Variants in DDX6 observed in about 807,000 individuals in gnomAD.
DDX6 encodes the protein DEAD-box helicase 6, also known as probable ATP-dependent RNA helicase DDX6.
In DDX6, 7 loss-of-function variants were observed where a neutral mutation model predicts 60.6. That is an observed-to-expected ratio of 0.12 (90% confidence interval 0.07 to 0.22). The LOEUF (loss-of-function observed/expected upper bound fraction) is 0.22. Among genes scored for constraint, DDX6 ranks in the 10% least tolerant of loss-of-function variants. The pLI is 1.00. For missense variants in DDX6, 270 were observed against 589.9 expected, an observed-to-expected ratio of 0.46 and a Z score of 5.62; for synonymous variants, 207 against 201.0, an observed-to-expected ratio of 1.03 and a Z score of -0.25.
chr11:118,781,975 G>T (rs1861913888), intron 2 of DDX6, among the ~76,000 whole-genome samples: 1 of 151,882 alleles, frequency 6.6e-6, no homozygotes, highest in Non-Finnish European at 1.5e-5. Context: ...CACTTTGGGA[G>T]GCCAAGGCAA....
chr11:118,759,486 T>C (rs1489950387), intron 8 of DDX6: 1 of 154,518 alleles, frequency 6.5e-6, no homozygotes, highest in African/African-American at 2.4e-5. Context: ...TTTTGGAATA[T>C]GTGCATTACA....
intron 5 of DDX6, among the ~76,000 whole-genome samples, chr11:118,766,521 GA>G (rs1244946865): frequency 6.6e-6 from 1 of 152,244 alleles, no homozygotes; most frequent in South Asian, 2.1e-4. Flanking sequence ...ATCTCTTTAT[GA>G]AAAGAGAACC....
intron 12 of DDX6, 99 bp downstream of exon 12, chr11:118,755,303 T>C (rs1368386835): frequency 7.9e-5 from 55 of 693,320 alleles, no homozygotes; most frequent in Non-Finnish European, 1.0e-4. Flanking sequence ...TTCACTGTTC[T>C]CATAGCTACT....
chr11:118,785,455 TTG>T (rs535638151), intron 2 of DDX6, among the ~76,000 whole-genome samples: 1 of 152,030 alleles, frequency 6.6e-6, no homozygotes, highest in Non-Finnish European at 1.5e-5. Context: ...TCCTCCCACA[TTG>T]GCCTCCCCAA....
chr11:118,784,238 A>G (rs370907580), intron 2 of DDX6, among the ~76,000 whole-genome samples: 3 of 152,180 alleles, frequency 2.0e-5, no homozygotes, highest in Non-Finnish European at 4.4e-5. Context: ...ATATACACTA[A>G]TACCAATTCT....
At position 118,769,258 on chromosome 11, in the gene DDX6, T is replaced by C. The variant is rs561582930; in HGVS notation, c.370-906A>G. Among the ~76,000 whole-genome samples, 9 of 152,276 alleles carry C rather than the reference T, an allele frequency of 5.9e-5. No homozygotes were observed. The South Asian group carries it at 8.3e-4, about 14-fold the overall frequency. On this transcript the variant is annotated intron_variant, in intron 4 of 13. Coordinates refer to ENST00000534980, the MANE Select transcript of DDX6 (RefSeq NM_004397.6). Reference sequence around the variant, plus strand: ...CCTCATCCCTGCAACAAAACACGAATAGGCTGGGAAAGTTTAACCTCAGGT... The same window carrying C: ...CCTCATCCCTGCAACAAAACACGAACAGGCTGGGAAAGTTTAACCTCAGGT...
chr11:118,753,163 G>A (rs1565558224), intron 13 of DDX6, among the ~76,000 whole-genome samples: 1 of 151,852 alleles, frequency 6.6e-6, no homozygotes, highest in Admixed American at 6.6e-5. Flanking sequence ...TGACTAGCTG[G>A]GATTACAGGC....
intron 2 of DDX6, among the ~76,000 whole-genome samples, chr11:118,784,461 GTT>G (rs34444218): frequency 5.6e-5 from 8 of 142,546 alleles, no homozygotes; most frequent in Non-Finnish European, 6.2e-5. Flanking sequence ...TATATGGCAA[GTT>G]TTTTTTTTTT....
chr11:118,758,578 G>T (rs937738835), intron 9 of DDX6, among the ~76,000 whole-genome samples, 196 bp downstream of exon 9: 1 of 152,098 alleles, frequency 6.6e-6, no homozygotes, highest in African/African-American at 2.4e-5. Context: ...TCACCATGTT[G>T]GCCAGGCTGG....
In DDX6 at chr11:118,765,070, T is replaced by G. The variant is rs577285414; in HGVS notation, c.646+139A>C. 4.5e-5 allele frequency: 43 copies of G among 965,048 alleles called. No individual in the cohort carries two copies. The Admixed American group carries it at 8.6e-4, about 19-fold the overall frequency. The allele number at this position is 965,048 out of a possible 1,614,324, so 59.8% of individuals were successfully genotyped here. ...AATTATGGTAATTTGTCTTTTTCGC[T>G]TGAATGCAGTGGTCATTTCCTTTTC... On this transcript the variant is annotated intron_variant, in intron 6 of 13. Transcript: ENST00000534980.
At chr11:118,785,776 T>C in intron 2 of DDX6, 1 of 297,908 alleles carries the variant, frequency 3.4e-6, no homozygotes, top group Non-Finnish European at 6.2e-6. Context: ...AGCTAATAAC[T>C]TTTACACTAA....
intron 7 of DDX6, among the ~76,000 whole-genome samples, chr11:118,761,904 G>GGTA (rs1861184065): frequency 6.7e-6 from 1 of 149,610 alleles, no homozygotes; most frequent in Non-Finnish European, 1.5e-5. Flanking sequence ...ACTTAGTGCT[G>GGTA]GTACCCAGTG....
At chr11:118,768,030 G>A (rs1437922944) in intron 5 of DDX6, 193 bp downstream of exon 5, 4 of 556,364 alleles carry the variant, frequency 7.2e-6, no homozygotes, top group African/African-American at 1.9e-5. Flanking sequence ...CTTAAAACTA[G>A]AAATCTCTAA....
chr11:118,773,778 C>T (rs1861611765), intron 4 of DDX6, among the ~76,000 whole-genome samples: 1 of 151,300 alleles, frequency 6.6e-6, no homozygotes, highest in Non-Finnish European at 1.5e-5. Flanking sequence ...TGCTTGAGGC[C>T]AGGAGTTCAA....
At chr11:118,771,156 T>G (rs1235829638) in intron 4 of DDX6, among the ~76,000 whole-genome samples, 1 of 152,214 alleles carries the variant, frequency 6.6e-6, no homozygotes, top group Non-Finnish European at 1.5e-5. Flanking sequence ...GCCTGCACAC[T>G]ACTCAGTTTT....
chr11:118,758,760 A>C lies in DDX6; in HGVS notation c.993+14T>G, dbSNP rs781817475. 8 of 1,612,592 alleles carry C rather than the reference A, an allele frequency of 5.0e-6. No homozygotes were observed. The South Asian group carries it at 5.5e-5, about 11-fold the overall frequency. On this transcript the variant is annotated intron_variant, in intron 9 of 13. Transcript: ENST00000534980. ...TCGAGAGATAATATTCAACAGCAGA[A>C]GCCTACTTCTTACCCTGGAGAAAAG...
chr11:118,780,209 C>T (rs1555164420), intron 3 of DDX6, among the ~76,000 whole-genome samples: 1 of 147,508 alleles, frequency 6.8e-6, no homozygotes, highest in Non-Finnish European at 1.5e-5. Context: ...ATGCAGATTA[C>T]TTGTTTTAAT....
In DDX6 at chr11:118,787,836, CTA is replaced by C. The variant is rs1424573190; in HGVS notation, c.-267-1320_-267-1319del. On this transcript the variant is annotated intron_variant, in intron 1 of 13. Coordinates refer to ENST00000534980, the MANE Select transcript of DDX6 (RefSeq NM_004397.6). ...TGAAATTGACAAAACCAAGATGACTCTAATAATTTTATTCATTTATAACAAAC... is the reference window on the plus strand; with the variant it reads ...TGAAATTGACAAAACCAAGATGACTCATAATTTTATTCATTTATAACAAAC... 6 of 151,892 alleles carry C rather than the reference CTA, an allele frequency of 4.0e-5. No homozygotes were observed. In the South Asian group the frequency reaches 1.0e-3, roughly 26 times the overall value. 9.4% of individuals were successfully genotyped at this position (151,892 alleles called of 1,614,324 possible).
chr11:118,753,914 G>A (rs570727778), intron 13 of DDX6, among the ~76,000 whole-genome samples: 23 of 152,062 alleles, frequency 1.5e-4, no homozygotes, highest in Admixed American at 1.3e-3. Flanking sequence ...GGCCAACATG[G>A]TGAAACTCCA....
Sources: allele counts gnomAD v4.1 joint callset (sites outside exome capture counted in the v4.1 genomes callset), GRCh38; gene constraint gnomAD v4.1.1; transcripts MANE v1.5; gene names NCBI Gene and HGNC (gene_info 2026-07-23, HGNC 2026-07-21).